The following LPIN1 variants were observed in gnomAD, a reference collection of about 807,000 sequenced individuals.
LPIN1 encodes lipin 1.
A neutral mutation model predicts 107.5 loss-of-function variants in LPIN1; 71 were observed. The observed-to-expected ratio is 0.66, with a 90% confidence interval of 0.55 to 0.80. The LOEUF (loss-of-function observed/expected upper bound fraction) is 0.80, where lower values mean the gene tolerates loss of function less well. LPIN1 is among the 30% of genes least tolerant of loss of function. The probability of loss-of-function intolerance (pLI) is 0.00; values close to 1 mark genes in which losing one functional copy is unlikely to be tolerated. For synonymous variants in LPIN1, 445 were observed against 452.6 expected (o/e 0.98, Z 0.21); for missense variants, 1,043 against 1,160.6 (o/e 0.90, Z 1.47).
chr2:11,741,366 G>A, exon 2 of LPIN1: 2 of 1,549,166 alleles, frequency 1.3e-6, no homozygotes, highest in South Asian at 2.4e-5. Flanking sequence ...TGAAGCGTGA[G>A]CTGCCAGAAT....
chr2:11,703,151 A>G (rs4669772), intron 1 of LPIN1, among the ~76,000 whole-genome samples: 64,015 of 152,070 alleles, frequency 0.42, 14,903 homozygotes, highest in South Asian at 0.55. Flanking sequence ...TTGAAAAACT[A>G]CTAGGGAAAA....
At chr2:11,764,122 C>T (rs1295558134) in intron 1 of LPIN1, 3 of 106,016 alleles carry the variant, frequency 2.8e-5, no homozygotes, top group Non-Finnish European at 4.0e-5. Context: ...ACACACACAA[C>T]GACTAAAATA....
chr2:11,714,096 G>T (rs1311860868), intron 2 of LPIN1, among the ~76,000 whole-genome samples: 10 of 152,204 alleles, frequency 6.6e-5, no homozygotes, highest in African/African-American at 2.4e-4. Flanking sequence ...TGATTAAAAA[G>T]CCTTCAATGG....
rs1265783688 is a variant in LPIN1 at position 11,771,317 on chromosome 2, GCT to G, written c.289-54_289-53del. 3.8e-6 allele frequency: 6 copies of G among 1,584,072 alleles called. No homozygotes were observed. The highest frequency in any genetic ancestry group is 5.2e-6 in the Non-Finnish European group (6 of 1,153,398). ...TCCTGGAGGCCTCTGGCAAGGCCCT[GCT>G]TCTTATACCTGAATTAACGAGGCTC... On this transcript the variant is annotated intron_variant, in intron 3 of 20. Transcript: ENST00000674199. This position sits in a 1 kb window ranked among gnomAD's most constrained non-coding sequence, Gnocchi z 4.8.
intron 1 of LPIN1, among the ~76,000 whole-genome samples, chr2:11,760,523 A>C (rs1025621018): frequency 1.3e-5 from 2 of 152,254 alleles, no homozygotes; most frequent in Non-Finnish European, 2.9e-5. Flanking sequence ...CCACCAAAAA[A>C]TACGAAAACC....
chr2:11,677,669 C>T lies in LPIN1; in HGVS notation c.22C>T (p.Arg8Cys), dbSNP rs571047329. The change falls in exon 1 of 22, where the codon CGC becomes TGC. Residue 8 changes from arginine (R) to cysteine (C), a missense_variant. Transcript: ENST00000449576. Reference sequence around the variant, plus strand: ...GGCCATGGGGGAACAGGACGGCATTCGCAGCTCCAGCTGGGAGACCTCGCA... The same window carrying T: ...GGCCATGGGGGAACAGGACGGCATTTGCAGCTCCAGCTGGGAGACCTCGCA... 1.7e-4 allele frequency: 268 copies of T among 1,535,698 alleles called. 1 individual carries two copies. The highest frequency in any genetic ancestry group is 3.7e-4 in the Admixed American group (19 of 51,004).
intron 9 of LPIN1, chr2:11,784,199 G>A: frequency 1.3e-6 from 1 of 795,148 alleles, no homozygotes; most frequent in Non-Finnish European, 1.7e-6. Flanking sequence ...AGCTACTCGG[G>A]AGGCTGAGGC....
At chr2:11,816,456 C>T (rs1208598307) in intron 18 of LPIN1, 8 of 152,234 alleles carry the variant, frequency 5.3e-5, no homozygotes, top group East Asian at 1.9e-4. Context: ...ATCGTTACTC[C>T]GACATCCTAA....
chr2:11,767,775 A>G lies in LPIN1; in HGVS notation c.205A>G (p.Ile69Val). ...RSREKVVDIE[I>V]NGESVDLHMK... ...GTTTTCCCTTCAGGTTGACATAGAA[A>G]TCAATGGGGAATCTGTGGATTTGCA... The change falls in exon 3 of 21, where the codon ATC becomes GTC. Residue 69 changes from isoleucine to valine, a missense_variant. Transcript: ENST00000674199. 1 of 1,609,840 alleles carries G rather than the reference A, an allele frequency of 6.2e-7. No homozygotes were observed.
chr2:11,684,062 G>A (rs1661870234), intron 1 of LPIN1, among the ~76,000 whole-genome samples: 1 of 152,240 alleles, frequency 6.6e-6, no homozygotes, highest in South Asian at 2.1e-4. Flanking sequence ...TCCATTTAGT[G>A]AAAATTCAGT....
chr2:11,767,957 C>T (rs569309819), intron 3 of LPIN1, 99 bp downstream of exon 3: 20 of 819,742 alleles, frequency 2.4e-5, no homozygotes, highest in Admixed American at 2.2e-4. Flanking sequence ...TAATACCGGC[C>T]GTGGCTGTGT....
In LPIN1 at chr2:11,814,243, C is replaced by T. The variant is rs58620329; in HGVS notation, c.2250-845C>T. On this transcript the variant is annotated intron_variant, in intron 17 of 20. Coordinates refer to ENST00000674199, the MANE Select transcript of LPIN1 (RefSeq NM_001349206.2). Reference sequence around the variant, plus strand: ...TGCTCTGGGAGAAGGAATGAGCCCCCGAGGCAGATGCTACTGGGGAGTCCA... The same window carrying T: ...TGCTCTGGGAGAAGGAATGAGCCCCTGAGGCAGATGCTACTGGGGAGTCCA... 2.4e-3 allele frequency among the ~76,000 whole-genome samples: 367 copies of T among 152,148 alleles called. 1 individual carries two copies. The highest frequency in any genetic ancestry group is 8.3e-3 in the African/African-American group (345 of 41,502).
At chr2:11,776,050 T>C in intron 5 of LPIN1, 36 bp from the exon 6 acceptor site, 1 of 1,226,212 alleles carries the variant, frequency 8.2e-7, no homozygotes, top group East Asian at 2.6e-5. Context: ...TCTGATTTTG[T>C]CTTTCTTTTA....
rs1404479167 is a variant in LPIN1, at chr2:11,785,016, C to G, written c.1489C>G (p.Leu497Val). 1 of 1,610,078 alleles carries G rather than the reference C, an allele frequency of 6.2e-7. No individual in the cohort carries two copies. Among genetic ancestry groups the G allele is most frequent in the African/African-American group, 1.3e-5 (1 of 75,006 alleles). The change falls in exon 10 of 21, where the codon CTC becomes GTC. Residue 497 changes from leucine (L) to valine (V), a missense_variant. Leu to Val is a conservative substitution (Grantham distance 32, BLOSUM62 1). Coordinates refer to ENST00000674199, the MANE Select transcript of LPIN1 (RefSeq NM_001349206.2). The part of the protein sequence containing the change: ...VESTSDGLRD[L>V]PSIAISLCGG... The stretch of plus-strand genomic sequence containing the variant: ...GAGCACCTCGGACGGGCTGAGGGAC[C>G]TCCCTTCCATCGCCATCTCCCTCTG...
Position 11,761,843 on chromosome 2 carries a change from T to C in LPIN1, c.-9-3690T>C, listed in dbSNP as rs1376342985. On this transcript the variant is annotated intron_variant, in intron 1 of 20. Coordinates refer to ENST00000674199, the MANE Select transcript of LPIN1 (RefSeq NM_001349206.2). Reference sequence around the variant, plus strand: ...ATAAAAGAACAAACAAACCATACAATTTCCTCTACTCTCATACACGCTTCT... The same window carrying C: ...ATAAAAGAACAAACAAACCATACAACTTCCTCTACTCTCATACACGCTTCT... Among the ~76,000 whole-genome samples, 6 of 152,262 alleles carry C rather than the reference T, an allele frequency of 3.9e-5. No individual in the cohort carries two copies. The East Asian group carries it at 1.2e-3, about 29-fold the overall frequency.
chr2:11,805,590 G>A (rs1678536376), intron 17 of LPIN1: 1 of 313,338 alleles, frequency 3.2e-6, no homozygotes, highest in Middle Eastern at 1.1e-3. Flanking sequence ...CAACCAGCAG[G>A]GCACATCATG....
chr2:11,820,614 T>C, intron 20 of LPIN1, 100 bp downstream of exon 20: 1 of 779,556 alleles, frequency 1.3e-6, no homozygotes, highest in East Asian at 2.6e-5. Context: ...TTGCTGCCTA[T>C]ATGTTAATCT....
intron 1 of LPIN1, chr2:11,764,091 T>TACAC (rs1222327944): frequency 3.3e-5 from 4 of 119,680 alleles, no homozygotes; most frequent in African/African-American, 1.4e-4. Context: ...TATATATATA[T>TACAC]ATATATATAT....
intron 12 of LPIN1, among the ~76,000 whole-genome samples, chr2:11,790,424 T>C (rs1158198161): frequency 1.3e-5 from 2 of 152,190 alleles, no homozygotes; most frequent in African/African-American, 2.4e-5. Flanking sequence ...TAGGGGCAGC[T>C]CTCTCATAGT....
Sources: gnomAD v4.1 joint callset for allele counts (sites outside exome capture counted in the v4.1 genomes callset) on GRCh38, gnomAD v4.1.1 for gene constraint, Gnocchi (gnomAD v3.1) non-coding constraint, MANE v1.5 for transcripts, NCBI Gene and HGNC (gene_info 2026-07-23, HGNC 2026-07-21) for gene names.